Variants in IPO11 observed in about 807,000 individuals in gnomAD.
IPO11 encodes the protein importin-11.
In IPO11, 66 loss-of-function variants were observed where a neutral mutation model predicts 143.2. That is an observed-to-expected ratio of 0.46 (90% CI 0.38 to 0.57). IPO11 has a LOEUF of 0.57. IPO11 is among the 20% of genes least tolerant of loss of function. IPO11 has a pLI of 0.00. For synonymous variants in IPO11, 385 were observed against 377.8 expected (o/e 1.02, Z -0.22); for missense variants, 1,026 against 1,141.0 (o/e 0.90, Z 1.45).
intron 26 of IPO11, among the ~76,000 whole-genome samples, chr5:62,555,594 C>T (rs1743549262): frequency 6.6e-6 from 1 of 151,968 alleles, no homozygotes; most frequent in Admixed American, 6.5e-5. Flanking sequence ...AGCCCCGCCT[C>T]CCGGGTTCAC....
chr5:62,417,737 C>T (rs1037610516), intron 1 of IPO11, among the ~76,000 whole-genome samples: 1 of 152,124 alleles, frequency 6.6e-6, no homozygotes. Flanking sequence ...TGATGACTCC[C>T]AAATCTGGCT....
chr5:62,625,702 C>T (rs1399103712), intron 29 of IPO11, among the ~76,000 whole-genome samples: 1 of 152,174 alleles, frequency 6.6e-6, no homozygotes, highest in East Asian at 1.9e-4. Flanking sequence ...AAAAACTAAC[C>T]TTGAATGTCA....
chr5:62,587,122 C>T (rs1271731797), intron 27 of IPO11, among the ~76,000 whole-genome samples: 7 of 151,790 alleles, frequency 4.6e-5, no homozygotes, highest in Non-Finnish European at 1.0e-4. Flanking sequence ...CATATAGATC[C>T]TTTTAGTTAT....
At chr5:62,530,237 T>C (rs886097041) in intron 21 of IPO11, among the ~76,000 whole-genome samples, 1 of 152,220 alleles carries the variant, frequency 6.6e-6, no homozygotes, top group African/African-American at 2.4e-5. Flanking sequence ...TATACAGTTG[T>C]GTCTTTCTAT....
chr5:62,501,607 A>G (rs1017232467), intron 16 of IPO11, among the ~76,000 whole-genome samples: 2 of 152,176 alleles, frequency 1.3e-5, no homozygotes, highest in African/African-American at 2.4e-5. Context: ...GATGCTTTCT[A>G]TCCTTTTAGG....
intron 19 of IPO11, among the ~76,000 whole-genome samples, chr5:62,509,032 G>A (rs1324567638): frequency 6.6e-6 from 1 of 152,182 alleles, no homozygotes; most frequent in Non-Finnish European, 1.5e-5. Flanking sequence ...GACACATACA[G>A]TTTAATGTTG....
chr5:62,626,180 C>T (rs1176983896), intron 29 of IPO11, among the ~76,000 whole-genome samples: 2 of 152,172 alleles, frequency 1.3e-5, no homozygotes, highest in Non-Finnish European at 2.9e-5. Flanking sequence ...CAGGCGTGCA[C>T]CACCACGCCA....
chr5:62,434,531 C>G (rs1744105651), intron 1 of IPO11, among the ~76,000 whole-genome samples: 1 of 152,028 alleles, frequency 6.6e-6, no homozygotes, highest in Non-Finnish European at 1.5e-5. Context: ...AAGTCCTGGG[C>G]TCAGGCGATC....
chr5:62,536,120 C>G (rs540183971), intron 22 of IPO11, among the ~76,000 whole-genome samples: 1 of 152,106 alleles, frequency 6.6e-6, no homozygotes, highest in East Asian at 1.9e-4. Context: ...GGAGTGTGAT[C>G]AGGACTCTGT....
chr5:62,572,545 GTTTATTTATTTA>G (rs57028103), intron 27 of IPO11, among the ~76,000 whole-genome samples: 57 of 86,100 alleles, frequency 6.6e-4, no homozygotes, highest in Admixed American at 2.0e-3. Flanking sequence ...ATATTTGTTT[GTTTATTTATTTA>G]TTTATTTATT....
intron 20 of IPO11, among the ~76,000 whole-genome samples, chr5:62,516,464 T>C (rs1742025305): frequency 6.6e-6 from 1 of 152,052 alleles, no homozygotes; most frequent in African/African-American, 2.4e-5. Context: ...TGGCTAATTT[T>C]TGTATTTTTA....
chr5:62,529,205 A>G (rs32183), intron 21 of IPO11, among the ~76,000 whole-genome samples: 13,708 of 152,098 alleles, frequency 0.09, 668 homozygotes, highest in East Asian at 0.14. Context: ...TGAACAAAAG[A>G]CTTTGTATAG....
chr5:62,530,257 A>T (rs182023444), intron 21 of IPO11, among the ~76,000 whole-genome samples: 1 of 152,108 alleles, frequency 6.6e-6, no homozygotes, highest in Admixed American at 6.6e-5. Context: ...TCAACAGGGG[A>T]TTGGTTCCAG....
At chr5:62,546,639 C>T (rs72769151) in intron 24 of IPO11, among the ~76,000 whole-genome samples, 3,325 of 151,704 alleles carry the variant, frequency 0.022, 49 homozygotes, top group Middle Eastern at 0.041. Context: ...AGGTGTATTT[C>T]GAAAGGGAAT....
At chr5:62,508,544 CTTCT>C (rs899385023) in intron 19 of IPO11, among the ~76,000 whole-genome samples, 5 of 151,606 alleles carry the variant, frequency 3.3e-5, no homozygotes, top group South Asian at 2.1e-4. Context: ...TTCCTTCTTC[CTTCT>C]TTCTTTCTTC....
intron 14 of IPO11, 67 bp downstream of exon 14, chr5:62,489,416 A>G (rs1746525821): frequency 1.7e-6 from 2 of 1,165,412 alleles, no homozygotes; most frequent in South Asian, 3.0e-5. Context: ...GTTTTGTGGT[A>G]GATTTTGTGC....
intron 24 of IPO11, among the ~76,000 whole-genome samples, chr5:62,537,603 C>G (rs1391303213): frequency 6.6e-6 from 1 of 152,114 alleles, no homozygotes; most frequent in Non-Finnish European, 1.5e-5. Flanking sequence ...TTTAAAAACT[C>G]TTGTAAATTA....
At chr5:62,615,388 A>G (rs895775326) in intron 29 of IPO11, among the ~76,000 whole-genome samples, 3 of 152,184 alleles carry the variant, frequency 2.0e-5, no homozygotes, top group African/African-American at 7.2e-5. Context: ...TGCAAGTATA[A>G]TTATCTTGTT....
intron 3 of IPO11, among the ~76,000 whole-genome samples, chr5:62,448,771 C>T (rs1744807420): frequency 6.6e-6 from 1 of 152,112 alleles, no homozygotes; most frequent in African/African-American, 2.4e-5. Context: ...GTTGCCCAGG[C>T]TTATCTTGAA....
Sources: allele counts gnomAD v4.1 joint callset (sites outside exome capture counted in the v4.1 genomes callset), GRCh38; gene constraint gnomAD v4.1.1; transcripts MANE v1.5; gene names NCBI Gene and HGNC (gene_info 2026-07-23, HGNC 2026-07-21).